GALNTL5: variants seen among roughly 807,000 people sequenced by gnomAD.
GALNTL5 encodes inactive polypeptide N-acetylgalactosaminyltransferase-like protein 5.
Under a neutral mutation model 51.0 loss-of-function variants are expected in GALNTL5, and 44 were observed. That is an observed-to-expected ratio of 0.86 (90% CI 0.68 to 1.11). GALNTL5 has a LOEUF of 1.11. Among genes scored for constraint, GALNTL5 ranks in the 50% least tolerant of loss-of-function variants. GALNTL5 has a pLI of 0.00. For synonymous variants in GALNTL5, 192 were observed against 182.8 expected (o/e 1.05, Z -0.41); for missense variants, 528 against 531.8 (o/e 0.99, Z 0.07).
intron 8 of GALNTL5, 126 bp from the exon 9 acceptor site, chr7:152,019,520 A>T: frequency 1.2e-6 from 1 of 840,886 alleles, no homozygotes; most frequent in South Asian, 1.9e-5. Context: ...ACAGAAAAAA[A>T]TTGGGATCTG....
At chr7:152,014,204 T>C (rs1032972546) in intron 7 of GALNTL5, among the ~76,000 whole-genome samples, 2 of 152,246 alleles carry the variant, frequency 1.3e-5, no homozygotes, top group Admixed American at 1.3e-4. Flanking sequence ...TCACAGAATC[T>C]GAATTATAAG....
chr7:152,018,076 C>T (rs2081842447), intron 8 of GALNTL5, among the ~76,000 whole-genome samples: 1 of 152,200 alleles, frequency 6.6e-6, no homozygotes, highest in African/African-American at 2.4e-5. Flanking sequence ...GAACTCCTGA[C>T]CTCATGATCT....
intron 6 of GALNTL5, among the ~76,000 whole-genome samples, chr7:152,006,674 C>T (rs1474272070): frequency 6.6e-6 from 1 of 152,186 alleles, no homozygotes; most frequent in Non-Finnish European, 1.5e-5. Flanking sequence ...ACACATGGGT[C>T]TTGGTTTGTG....
At chr7:151,984,567 C>T (rs1391834992) in intron 4 of GALNTL5, among the ~76,000 whole-genome samples, 1 of 152,156 alleles carries the variant, frequency 6.6e-6, no homozygotes, top group Non-Finnish European at 1.5e-5. Flanking sequence ...TGGCCAGGCA[C>T]CTATCGTAAA....
rs763171572 is a variant in GALNTL5, at chr7:152,014,727, T to A, written c.1110T>A (p.Ser370=). 6.2e-7 allele frequency: 1 copy of A among 1,614,058 alleles called. No individual in the cohort carries two copies. Among genetic ancestry groups the A allele is most frequent in the Admixed American group, 1.7e-5 (1 of 60,006 alleles). ...GTAAGAAACAAACTGGAAAACCTTCTACAATCATCAGTGCTATGACACATA... is the reference window on the plus strand; with the variant it reads ...GTAAGAAACAAACTGGAAAACCTTCAACAATCATCAGTGCTATGACACATA... ...HISKKQTGKP[S]TIISAMTHNY... The change falls in exon 8 of 9, where the codon TCT becomes TCA. Residue 370 remains serine, a synonymous_variant. Coordinates refer to ENST00000392800, the MANE Select transcript of GALNTL5 (RefSeq NM_145292.4).
At chr7:151,992,624 G>A (rs1243630749) in intron 5 of GALNTL5, among the ~76,000 whole-genome samples, 3 of 152,102 alleles carry the variant, frequency 2.0e-5, no homozygotes, top group East Asian at 3.9e-4. Context: ...TGAAGGGCTC[G>A]CTCTACCCTG....
chr7:152,010,353 C>T (rs1027217893), intron 7 of GALNTL5, among the ~76,000 whole-genome samples: 5 of 152,118 alleles, frequency 3.3e-5, no homozygotes, highest in East Asian at 1.9e-4. Flanking sequence ...CCTTGTGATC[C>T]GCCTGCCTCG....
intron 2 of GALNTL5, among the ~76,000 whole-genome samples, chr7:151,969,929 C>T (rs542868225): frequency 9.1e-4 from 138 of 152,198 alleles, no homozygotes; most frequent in Admixed American, 1.6e-3. Context: ...GCCTCAGCCT[C>T]CCGAGTAGCT....
intron 3 of GALNTL5, among the ~76,000 whole-genome samples, chr7:151,977,166 C>G (rs1468791241): frequency 6.6e-6 from 1 of 151,944 alleles, no homozygotes; most frequent in East Asian, 1.9e-4. Context: ...ATTTTTTAAA[C>G]CAATATTTCA....
Position 152,014,639 on chromosome 7 carries a change from C to T in GALNTL5, c.1027-5C>T. 2 of 1,596,202 alleles carry T rather than the reference C, an allele frequency of 1.3e-6. No homozygotes were observed. Among genetic ancestry groups the T allele is most frequent in the Non-Finnish European group, 1.7e-6 (2 of 1,173,996 alleles). On this transcript the variant is annotated splice_polypyrimidine_tract_variant and splice_region_variant and intron_variant, in intron 7 of 8. Coordinates refer to ENST00000392800, the MANE Select transcript of GALNTL5 (RefSeq NM_145292.4). ...TCGTATGTTTTTTGTTCTTCTTATGCCTAGATCTGGATGTGTGGAGGCCAA... is the reference window on the plus strand; with the variant it reads ...TCGTATGTTTTTTGTTCTTCTTATGTCTAGATCTGGATGTGTGGAGGCCAA...
Position 151,978,053 on chromosome 7 carries a change from T to C in GALNTL5, c.369-4933T>C, listed in dbSNP as rs139022763. ...ATTAATTTCTAGTTATCTTTATTGG[T>C]TCATTTTTATTTCTTTTGGTTTATC... On this transcript the variant is annotated intron_variant, in intron 3 of 8. Coordinates refer to ENST00000392800, the MANE Select transcript of GALNTL5 (RefSeq NM_145292.4). 1.3e-3 allele frequency among the ~76,000 whole-genome samples: 199 copies of C among 152,262 alleles called. 1 individual carries two copies. Among genetic ancestry groups the C allele is most frequent in the African/African-American group, 4.5e-3 (186 of 41,570 alleles).
chr7:151,981,286 G>A (rs1054287263), intron 3 of GALNTL5, among the ~76,000 whole-genome samples: 12 of 152,136 alleles, frequency 7.9e-5, no homozygotes, highest in Non-Finnish European at 1.5e-4. Flanking sequence ...CATGTAATGC[G>A]CCTTCTATCT....
At chr7:151,988,492 G>GA (rs1296000542) in intron 5 of GALNTL5, among the ~76,000 whole-genome samples, 3 of 151,542 alleles carry the variant, frequency 2.0e-5, no homozygotes, top group Non-Finnish European at 4.4e-5. Context: ...AAGGACAAAA[G>GA]AAAAAAAACA....
intron 5 of GALNTL5, among the ~76,000 whole-genome samples, chr7:151,991,856 T>C (rs1008941434): frequency 1.3e-5 from 2 of 152,188 alleles, no homozygotes; most frequent in Admixed American, 6.5e-5. Context: ...TGTATAGAGA[T>C]GATAGATTAA....
At chr7:151,982,914 T>G (rs747684505) in intron 3 of GALNTL5, 72 bp from the exon 4 acceptor site, 1 of 1,611,654 alleles carries the variant, frequency 6.2e-7, no homozygotes, top group African/African-American at 1.3e-5. Flanking sequence ...TAAGGAGAAG[T>G]GTTTGAACGA....
At chr7:151,993,248 A>AG (rs2081450054) in intron 5 of GALNTL5, among the ~76,000 whole-genome samples, 1 of 151,980 alleles carries the variant, frequency 6.6e-6, no homozygotes, top group Non-Finnish European at 1.5e-5. Flanking sequence ...AAAAAAAAAA[A>AG]AGGAAGATGC....
At chr7:152,014,593 C>T (rs1180850012) in intron 7 of GALNTL5, 51 bp from the exon 8 acceptor site, 3 of 1,536,580 alleles carry the variant, frequency 2.0e-6, no homozygotes, top group African/African-American at 2.8e-5. Context: ...AAGCAGTTGC[C>T]TGTTAGCAGT....
At chr7:151,961,470 C>G (rs1330919777) in intron 1 of GALNTL5, among the ~76,000 whole-genome samples, 1 of 150,568 alleles carries the variant, frequency 6.6e-6, no homozygotes, top group Non-Finnish European at 1.5e-5. Flanking sequence ...AAGATTGCAC[C>G]ACTGCACTCC....
chr7:151,997,668 C>G (rs1383118969), intron 5 of GALNTL5, among the ~76,000 whole-genome samples: 2 of 152,028 alleles, frequency 1.3e-5, no homozygotes, highest in African/African-American at 4.8e-5. Context: ...CTTTCTGGGT[C>G]ATTAGAATCC....
Sources: allele counts gnomAD v4.1 joint callset (sites outside exome capture counted in the v4.1 genomes callset), GRCh38; gene constraint gnomAD v4.1.1; transcripts MANE v1.5; gene names NCBI Gene and HGNC (gene_info 2026-07-23, HGNC 2026-07-21).